The following TRAM1 variants were observed in gnomAD, a reference collection of about 807,000 sequenced individuals.
TRAM1 encodes the protein translocation associated membrane protein 1.
Under a neutral mutation model 48.7 loss-of-function variants are expected in TRAM1, and 17 were observed. That is an observed-to-expected ratio of 0.35 (90% CI 0.24 to 0.52). The LOEUF (loss-of-function observed/expected upper bound fraction) is 0.52. TRAM1 is among the 20% of genes least tolerant of loss of function. The pLI, the probability that TRAM1 is intolerant of heterozygous loss-of-function variation, is 0.94. For missense variants in TRAM1, 351 were observed against 441.5 expected (o/e 0.79, Z 1.84); for synonymous variants, 182 against 154.0 (o/e 1.18, Z -1.34).
chr8:70,598,353 T>A lies in TRAM1; in HGVS notation c.188-98A>T, dbSNP rs1440681057. 2.4e-6 allele frequency: 3 copies of A among 1,266,844 alleles called. No individual in the cohort carries two copies. The African/African-American group carries it at 4.6e-5, about 20-fold the overall frequency. The allele number at this position is 1,266,844 out of a possible 1,614,324, so 78.5% of individuals were successfully genotyped here. On this transcript the variant is annotated intron_variant, in intron 2 of 10. Transcript: ENST00000262213. Reference sequence around the variant, plus strand: ...GTTATGGAAACAAAGAAGAATAACCTAATAAAAAAGTTCTATATTAACATC... The same window carrying A: ...GTTATGGAAACAAAGAAGAATAACCAAATAAAAAAGTTCTATATTAACATC...
intron 10 of TRAM1, 38 bp from the exon 11 acceptor site, chr8:70,575,043 A>G (rs1816916647): frequency 7.1e-7 from 1 of 1,412,810 alleles, no homozygotes; most frequent in Non-Finnish European, 9.8e-7. Flanking sequence ...TCTCTTTTAT[A>G]AATAAATGCA....
intron 8 of TRAM1, among the ~76,000 whole-genome samples, chr8:70,585,514 A>G (rs1419516428): frequency 3.4e-5 from 5 of 148,606 alleles, no homozygotes; most frequent in East Asian, 2.0e-4. Flanking sequence ...GAAAATTTTC[A>G]CAACCTACTC....
At chr8:70,587,953 A>G (rs1817262665) in intron 6 of TRAM1, among the ~76,000 whole-genome samples, 1 of 152,202 alleles carries the variant, frequency 6.6e-6, no homozygotes, top group Admixed American at 6.5e-5. Flanking sequence ...GTGATGGTTC[A>G]TGCCTATAAT....
In TRAM1 at chr8:70,592,835, T is replaced by C. The variant is rs1817398173; in HGVS notation, c.570+1671A>G. On this transcript the variant is annotated intron_variant, in intron 6 of 10. Transcript: ENST00000262213. ...ATGGAAATGTTCCATATCTCCTCTG[T>C]TCAAAATGGTACATACTAGCCACAG... Among the ~76,000 whole-genome samples the C allele has an allele frequency of 2.6e-5, 4 of 152,220 alleles. No homozygotes were observed. In the South Asian group the frequency reaches 8.3e-4, roughly 31 times the overall value.
chr8:70,597,426 C>T (rs1393584520), intron 4 of TRAM1, among the ~76,000 whole-genome samples: 1 of 151,988 alleles, frequency 6.6e-6, no homozygotes, highest in East Asian at 1.9e-4. Flanking sequence ...AATCCCAGCA[C>T]TTTGGGAGGC....
At chr8:70,590,340 T>C (rs73685676) in intron 6 of TRAM1, among the ~76,000 whole-genome samples, 11,642 of 152,244 alleles carry the variant, frequency 0.076, 494 homozygotes, top group Non-Finnish European at 0.087. Flanking sequence ...AAACAAACTA[T>C]AATTCAAAAA....
chr8:70,594,164 G>A (rs1817429052), intron 6 of TRAM1, among the ~76,000 whole-genome samples: 1 of 151,948 alleles, frequency 6.6e-6, no homozygotes, highest in South Asian at 2.1e-4. Context: ...GAAATAATTT[G>A]CTAAGAATAT....
rs978274369 is a variant in TRAM1, at chr8:70,606,851, C to T, written c.123+1226G>A. The T allele has an allele frequency of 4.1e-6, 4 of 968,932 alleles. No individual in the cohort carries two copies. The African/African-American group carries it at 7.0e-5, about 17-fold the overall frequency. 60.0% of individuals were successfully genotyped at this position (968,932 alleles called of 1,614,324 possible). On this transcript the variant is annotated intron_variant, in intron 1 of 10. Coordinates refer to ENST00000262213, the MANE Select transcript of TRAM1 (RefSeq NM_014294.6). ...AAAATTAAAAAAAAAAACAAATATG[C>T]TCCATTAAAAAGAAAATGTATTCAC... is the stretch of plus-strand genomic sequence containing the variant.
rs566700637 is a variant in TRAM1, at chr8:70,587,280, T to C, written c.571-104A>G. 553 of 1,128,626 alleles carry C rather than the reference T, an allele frequency of 4.9e-4. 1 individual carries two copies. The African/African-American group carries it at 7.8e-3, about 16-fold the overall frequency. The allele number at this position is 1,128,626 out of a possible 1,614,324, so 69.9% of individuals were successfully genotyped here. ...GTTGCCCAGGTTGGTCTCAAAACCTTGGACTCAAGAGAACCCCCAACCTTG... is the reference window on the plus strand; with the variant it reads ...GTTGCCCAGGTTGGTCTCAAAACCTCGGACTCAAGAGAACCCCCAACCTTG... On this transcript the variant is annotated intron_variant, in intron 6 of 10. Transcript: ENST00000262213.
At chr8:70,597,762 T>C (rs1333686548) in intron 4 of TRAM1, 133 bp downstream of exon 4, 1 of 525,174 alleles carries the variant, frequency 1.9e-6, no homozygotes, top group Admixed American at 3.7e-5. Context: ...AAACATAGTT[T>C]AGAATTTTTG....
chr8:70,606,772 A>G (rs1350145783), intron 1 of TRAM1: 2 of 482,058 alleles, frequency 4.1e-6, no homozygotes, highest in Non-Finnish European at 5.4e-6. Flanking sequence ...ATCTAGATCC[A>G]GAAAAGCCCA....
intron 8 of TRAM1, 48 bp from the exon 9 acceptor site, chr8:70,583,841 G>T (rs1038738854): frequency 7.9e-6 from 12 of 1,514,338 alleles, no homozygotes; most frequent in Middle Eastern, 1.8e-4. Context: ...TCAAAAACAA[G>T]ATTCTATTAG....
chr8:70,582,686 A>AT, intron 10 of TRAM1, among the ~76,000 whole-genome samples: 1 of 152,282 alleles, frequency 6.6e-6, no homozygotes, highest in Admixed American at 6.5e-5. Flanking sequence ...TGCATTTTCA[A>AT]TTTTTGCAAA....
chr8:70,591,942 T>C (rs1817374496), intron 6 of TRAM1, among the ~76,000 whole-genome samples: 1 of 152,196 alleles, frequency 6.6e-6, no homozygotes, highest in South Asian at 2.1e-4. Flanking sequence ...GTTCTAGTGA[T>C]GATGAATGAC....
At chr8:70,604,667 A>C (rs77371999) in intron 1 of TRAM1, among the ~76,000 whole-genome samples, 17 of 152,178 alleles carry the variant, frequency 1.1e-4, no homozygotes, top group Non-Finnish European at 1.6e-4. Context: ...GAAAAAAAAA[A>C]CCCAAACCTT....
At chr8:70,579,472 T>G (rs1817028767) in intron 10 of TRAM1, among the ~76,000 whole-genome samples, 2 of 152,246 alleles carry the variant, frequency 1.3e-5, no homozygotes, top group Non-Finnish European at 2.9e-5. Context: ...ACCCCTGGTT[T>G]CAGGCATCCA....
rs977683186 is a variant in TRAM1 at position 70,573,817 on chromosome 8, T to C, written c.*1115A>G. 2.0e-5 allele frequency: 3 copies of C among 152,324 alleles called. No homozygotes were observed. The highest frequency in any genetic ancestry group is 7.2e-5 in the African/African-American group (3 of 41,434). 9.4% of individuals were successfully genotyped at this position (152,324 alleles called of 1,614,324 possible). On this transcript the variant is annotated 3_prime_UTR_variant, in exon 11 of 11. Coordinates refer to ENST00000262213, the MANE Select transcript of TRAM1 (RefSeq NM_014294.6). ...GATTATAGAAAAGGGAACCAAATAT[T>C]TTCCTCAAATGCTTTTTAGAGCCTT...
Position 70,592,041 on chromosome 8 carries a change from T to A in TRAM1, c.570+2465A>T, listed in dbSNP as rs142773627. 2.1e-3 allele frequency among the ~76,000 whole-genome samples: 313 copies of A among 152,310 alleles called. 2 individuals carry two copies. The highest frequency in any genetic ancestry group is 7.3e-3 in the African/African-American group (304 of 41,572). ...AAAATACTATTTCTAATACTTTATA[T>A]GATATGCAATTATAGGTATGTATAA... is the stretch of plus-strand genomic sequence containing the variant. On this transcript the variant is annotated intron_variant, in intron 6 of 10. Transcript: ENST00000262213.
At chr8:70,597,520 A>G (rs1817514052) in intron 4 of TRAM1, among the ~76,000 whole-genome samples, 1 of 151,896 alleles carries the variant, frequency 6.6e-6, no homozygotes, top group African/African-American at 2.4e-5. Context: ...AAATACAAAA[A>G]TTAGCTGGGC....
Sources: gnomAD v4.1 joint callset for allele counts (sites outside exome capture counted in the v4.1 genomes callset) on GRCh38, gnomAD v4.1.1 for gene constraint, MANE v1.5 for transcripts, NCBI Gene and HGNC (gene_info 2026-07-23, HGNC 2026-07-21) for gene names.